The following KIF2A variants were observed in gnomAD, a reference collection of about 807,000 sequenced individuals.
The protein encoded by KIF2A is kinesin-like protein KIF2A.
In KIF2A, 22 loss-of-function variants were observed where a neutral mutation model predicts 100.2. The ratio of observed to expected loss-of-function variants is 0.22; its 90% CI spans 0.16 to 0.31. KIF2A has a LOEUF of 0.31. Among genes scored for constraint, KIF2A ranks in the 10% least tolerant of loss-of-function variants. KIF2A has a pLI of 1.00. For synonymous variants in KIF2A, 268 were observed against 285.9 expected (o/e 0.94, Z 0.63); for missense variants, 495 against 898.7 (o/e 0.55, Z 5.74).
At chr5:62,306,681 C>T (rs1413823414) in intron 1 of KIF2A, 145 bp downstream of exon 1, 6 of 657,820 alleles carry the variant, frequency 9.1e-6, no homozygotes, top group Non-Finnish European at 1.5e-5. Context: ...TTGTGTGTGG[C>T]GTGTGTGCCA....
At chr5:62,333,313 T>G (rs760481240) in intron 1 of KIF2A, among the ~76,000 whole-genome samples, 10 of 152,230 alleles carry the variant, frequency 6.6e-5, no homozygotes, top group Non-Finnish European at 1.2e-4. Flanking sequence ...AGGGTTTGCC[T>G]GTACTTTCCA....
At chr5:62,369,766 A>G (rs1741237621) in intron 16 of KIF2A, among the ~76,000 whole-genome samples, 1 of 152,002 alleles carries the variant, frequency 6.6e-6, no homozygotes, top group Non-Finnish European at 1.5e-5. Context: ...GGTGGTGGGT[A>G]GGTGGCATTA....
chr5:62,362,077 A>G (rs954761039), intron 11 of KIF2A, among the ~76,000 whole-genome samples: 1 of 151,802 alleles, frequency 6.6e-6, no homozygotes, highest in Non-Finnish European at 1.5e-5. Context: ...GGGGGCAGAA[A>G]TCTTGATTAT....
intron 19 of KIF2A, among the ~76,000 whole-genome samples, chr5:62,378,388 T>C (rs1247298560): frequency 1.3e-5 from 2 of 152,234 alleles, no homozygotes; most frequent in Non-Finnish European, 2.9e-5. Flanking sequence ...GACATCTTTA[T>C]GAAGACTGTA....
intron 1 of KIF2A, among the ~76,000 whole-genome samples, chr5:62,318,789 C>G (rs1003904771): frequency 6.6e-6 from 1 of 152,092 alleles, no homozygotes; most frequent in Admixed American, 6.5e-5. Context: ...TCTCTTTAGC[C>G]CACATTGGCT....
At chr5:62,327,089 C>A (rs1391815483) in intron 1 of KIF2A, among the ~76,000 whole-genome samples, 1 of 152,190 alleles carries the variant, frequency 6.6e-6, no homozygotes, top group African/African-American at 2.4e-5. Context: ...CACTTAGCTT[C>A]TGTGACTACT....
chr5:62,321,627 A>C (rs1746094472), intron 1 of KIF2A, among the ~76,000 whole-genome samples: 1 of 152,138 alleles, frequency 6.6e-6, no homozygotes, highest in African/African-American at 2.4e-5. Context: ...CAATGGTGTG[A>C]TGTCAGTTCA....
intron 1 of KIF2A, among the ~76,000 whole-genome samples, chr5:62,320,956 T>C (rs1247714312): frequency 6.6e-6 from 1 of 152,166 alleles, no homozygotes; most frequent in Non-Finnish European, 1.5e-5. Flanking sequence ...TTCCGGCCTT[T>C]AGTATCTGCC....
intron 18 of KIF2A, among the ~76,000 whole-genome samples, chr5:62,376,127 A>T (rs1741530316): frequency 6.6e-6 from 1 of 152,130 alleles, no homozygotes. Flanking sequence ...TTATTATTGC[A>T]TCTATTGGGC....
rs11418602 is a variant in KIF2A at position 62,361,707 on chromosome 5, A to AT, written c.1027+192dup. 0.43 allele frequency among the ~76,000 whole-genome samples: 63,347 copies of AT among 146,444 alleles called. 14,629 individuals carry two copies. The highest frequency in any genetic ancestry group is 0.62 in the African/African-American group (24,856 of 39,994). ...ACTATAAGATTATATATTCACAATA[A>AT]TTTTTTTTTTTTTTAAGAAGACAAG... On this transcript the variant is annotated intron_variant, in intron 11 of 20. Transcript: ENST00000407818.
chr5:62,333,018 T>A (rs1164304094), intron 1 of KIF2A, among the ~76,000 whole-genome samples: 3 of 152,232 alleles, frequency 2.0e-5, no homozygotes, highest in Admixed American at 2.0e-4. Flanking sequence ...AGCATCATCC[T>A]ATACCTACAT....
chr5:62,318,651 T>G (rs569232804), intron 1 of KIF2A, among the ~76,000 whole-genome samples: 1 of 152,254 alleles, frequency 6.6e-6, no homozygotes, highest in Non-Finnish European at 1.5e-5. Context: ...TTACTCAGAT[T>G]TTTTCCTTTT....
intron 1 of KIF2A, among the ~76,000 whole-genome samples, chr5:62,308,992 C>A (rs926650387): frequency 5.3e-5 from 8 of 152,074 alleles, no homozygotes; most frequent in Non-Finnish European, 8.8e-5. Flanking sequence ...ATGTTGTAAA[C>A]CTCAGTTGCA....
At chr5:62,307,766 G>A (rs985678411) in intron 1 of KIF2A, among the ~76,000 whole-genome samples, 1 of 151,748 alleles carries the variant, frequency 6.6e-6, no homozygotes, top group African/African-American at 2.4e-5. Context: ...TACAGGCGTT[G>A]TCACCACACC....
chr5:62,315,184 C>G (rs1016965466), intron 1 of KIF2A, among the ~76,000 whole-genome samples: 1 of 149,602 alleles, frequency 6.7e-6, no homozygotes, highest in Non-Finnish European at 1.5e-5. Flanking sequence ...GAATGCTCAG[C>G]CTGTGGTGGT....
chr5:62,341,080 A>C (rs755208558), intron 1 of KIF2A, among the ~76,000 whole-genome samples: 1 of 152,174 alleles, frequency 6.6e-6, no homozygotes, highest in Non-Finnish European at 1.5e-5. Flanking sequence ...TTATTGCTGG[A>C]ATTTCGTATT....
chr5:62,320,707 A>G (rs1466196527), intron 1 of KIF2A, among the ~76,000 whole-genome samples: 2 of 152,182 alleles, frequency 1.3e-5, no homozygotes, highest in South Asian at 2.1e-4. Context: ...AGTATATCCT[A>G]TATTATGTCT....
At chr5:62,357,822 T>C (rs1198817742) in intron 8 of KIF2A, 77 bp downstream of exon 8, 4 of 922,296 alleles carry the variant, frequency 4.3e-6, no homozygotes, top group Non-Finnish European at 6.7e-6. Flanking sequence ...GCAAATCAAA[T>C]TGGTTTGGAA....
intron 1 of KIF2A, among the ~76,000 whole-genome samples, chr5:62,320,850 G>A (rs1746059665): frequency 6.6e-6 from 1 of 151,754 alleles, no homozygotes; most frequent in African/African-American, 2.4e-5. Context: ...TCATGAAGTT[G>A]TACAATTATT....
Sources: gnomAD v4.1 joint callset for allele counts (sites outside exome capture counted in the v4.1 genomes callset) on GRCh38, gnomAD v4.1.1 for gene constraint, MANE v1.5 for transcripts, NCBI Gene and HGNC (gene_info 2026-07-23, HGNC 2026-07-21) for gene names.